RANBP3: variants seen among roughly 807,000 people sequenced by gnomAD.
RANBP3 encodes ran-binding protein 3.
A neutral mutation model predicts 77.3 loss-of-function variants in RANBP3; 14 were observed. The observed-to-expected ratio is 0.18, with a 90% confidence interval of 0.12 to 0.28. The LOEUF is 0.28. RANBP3 is among the 10% of genes least tolerant of loss of function. The pLI is 1.00. For synonymous variants in RANBP3, 315 were observed against 312.4 expected (o/e 1.01, Z -0.09); for missense variants, 586 against 752.3 (o/e 0.78, Z 2.59).
chr19:5,934,236 G>A (rs1393837066), intron 5 of RANBP3: 1 of 152,282 alleles, frequency 6.6e-6, no homozygotes, highest in Non-Finnish European at 1.5e-5. Context: ...AGTGGGGATG[G>A]TGGTCTAATC....
chr19:5,964,818 C>G (rs987334795), intron 1 of RANBP3, among the ~76,000 whole-genome samples: 3 of 81,816 alleles, frequency 3.7e-5, no homozygotes, highest in African/African-American at 1.6e-4. Flanking sequence ...ACAGGGCAGC[C>G]TGGGGGAAGA....
At chr19:5,941,430 T>C (rs540495452) in intron 5 of RANBP3, among the ~76,000 whole-genome samples, 191 bp downstream of exon 5, 25 of 152,256 alleles carry the variant, frequency 1.6e-4, no homozygotes, top group African/African-American at 5.8e-4. Flanking sequence ...GTGTCACTGA[T>C]TCGAGACGAG....
chr19:5,937,702 C>T (rs996234694), intron 5 of RANBP3, among the ~76,000 whole-genome samples: 2 of 152,186 alleles, frequency 1.3e-5, no homozygotes, highest in African/African-American at 4.8e-5. Flanking sequence ...GATATGACTG[C>T]CTTTTCATGC....
intron 5 of RANBP3, among the ~76,000 whole-genome samples, chr19:5,940,464 T>C (rs946415686): frequency 1.3e-5 from 2 of 152,168 alleles, no homozygotes; most frequent in African/African-American, 2.4e-5. Context: ...AGTCAGCAGA[T>C]GACAGTGTAA....
chr19:5,924,066 C>T lies in RANBP3; in HGVS notation c.997-152G>A. On this transcript the variant is annotated intron_variant, in intron 11 of 16. Coordinates refer to ENST00000340578, the MANE Select transcript of RANBP3 (RefSeq NM_007322.3). This position sits in a 1 kb window ranked among gnomAD's most constrained non-coding sequence, Gnocchi z 4.7. ...CACCCTGAACTGCCTGGGAGCTCCC[C>T]ACGTGGTCCCTCAGGCATCACTACG... 2 of 631,598 alleles carry T rather than the reference C, an allele frequency of 3.2e-6. No individual in the cohort carries two copies. Among genetic ancestry groups the T allele is most frequent in the Non-Finnish European group, 2.8e-6 (1 of 358,728 alleles). The allele number at this position is 631,598 out of a possible 1,614,324, so 39.1% of individuals were successfully genotyped here. A position where few individuals can be genotyped will look rare whatever the true frequency, so the allele number is the denominator to read the frequency against.
Position 5,958,076 on chromosome 19 carries a change from T to C in RANBP3, c.23-103A>G. On this transcript the variant is annotated intron_variant, in intron 1 of 16. Coordinates refer to ENST00000340578, the MANE Select transcript of RANBP3 (RefSeq NM_007322.3). This position sits in a 1 kb window ranked among gnomAD's most constrained non-coding sequence, Gnocchi z 4.4. ...TGTTAAACATATATATAAATGAAAC[T>C]AGTAACTCCAGAGAACATCAAATCA... 1 of 1,030,484 alleles carries C rather than the reference T, an allele frequency of 9.7e-7. No homozygotes were observed. The highest frequency in any genetic ancestry group is 2.0e-5 in the Admixed American group (1 of 49,302). 63.8% of individuals were successfully genotyped at this position (1,030,484 alleles called of 1,614,324 possible). A position where few individuals can be genotyped will look rare whatever the true frequency, so the allele number is the denominator to read the frequency against.
intron 1 of RANBP3, among the ~76,000 whole-genome samples, chr19:5,977,595 G>A (rs966386804): frequency 2.6e-5 from 4 of 152,040 alleles, no homozygotes; most frequent in African/African-American, 9.7e-5. Context: ...CGCGGAGGAC[G>A]AGGGCCTCAC....
intron 3 of RANBP3, among the ~76,000 whole-genome samples, chr19:5,945,225 G>C (rs369525461): frequency 3.9e-5 from 6 of 152,348 alleles, no homozygotes; most frequent in East Asian, 1.9e-4. Flanking sequence ...GAAGACCTGA[G>C]TCCGGCCTTA....
chr19:5,964,855 G>C (rs2058446019), intron 1 of RANBP3, among the ~76,000 whole-genome samples: 1 of 128,904 alleles, frequency 7.8e-6, no homozygotes, highest in African/African-American at 2.7e-5. Flanking sequence ...GGTAGGGTGG[G>C]GGGGGGGGTG....
At chr19:5,944,830 T>C (rs2058183330) in intron 3 of RANBP3, among the ~76,000 whole-genome samples, 1 of 152,212 alleles carries the variant, frequency 6.6e-6, no homozygotes, top group Admixed American at 6.5e-5. Flanking sequence ...CCTGTGGCTC[T>C]AGACTTTTCT....
chr19:5,928,064 C>T lies in RANBP3; in HGVS notation c.717G>A (p.Glu239=), dbSNP rs2057936954. Residue 239 remains glutamate (E), a synonymous_variant, in exon 9 of 17, where the codon GAG becomes GAA. Transcript: ENST00000340578. ...ALEEKEPQKN[E]SSNASEEEAC... ...CTTCCTCTTCAGAGGCATTGCTGGA[C>T]TCATTTTTCTGGGGCTCTTTCTCCT... is the stretch of plus-strand genomic sequence containing the variant. The T allele has an allele frequency of 1.2e-6, 2 of 1,612,220 alleles. No individual in the cohort carries two copies. The highest frequency in any genetic ancestry group is 2.7e-5 in the African/African-American group (2 of 74,698).
intron 3 of RANBP3, among the ~76,000 whole-genome samples, chr19:5,948,123 G>C (rs1167093691): frequency 6.6e-6 from 1 of 152,176 alleles, no homozygotes; most frequent in Non-Finnish European, 1.5e-5. Context: ...TGGTCCCCTA[G>C]GAAAGGCCAG....
chr19:5,954,333 T>C (rs781125535), intron 2 of RANBP3, among the ~76,000 whole-genome samples: 2 of 152,138 alleles, frequency 1.3e-5, no homozygotes, highest in Non-Finnish European at 2.9e-5. Context: ...ATAAGTGACA[T>C]CTGAGGGGCA....
At chr19:5,938,302 A>G (rs2058091769) in intron 5 of RANBP3, among the ~76,000 whole-genome samples, 2 of 152,228 alleles carry the variant, frequency 1.3e-5, no homozygotes, top group Non-Finnish European at 2.9e-5. Context: ...ACGTGGGAGA[A>G]ACTTTCAGGA....
In RANBP3 at chr19:5,917,298, A is replaced by G; in HGVS notation, c.*312T>C. The G allele has an allele frequency of 4.7e-6, 2 of 429,630 alleles. No homozygotes were observed. The highest frequency in any genetic ancestry group is 8.4e-6 in the Non-Finnish European group (2 of 237,962). 26.6% of individuals were successfully genotyped at this position (429,630 alleles called of 1,614,324 possible). A position where few individuals can be genotyped will look rare whatever the true frequency, so the allele number is the denominator to read the frequency against. On this transcript the variant is annotated 3_prime_UTR_variant, in exon 17 of 17. Transcript: ENST00000340578. The stretch of plus-strand genomic sequence containing the variant: ...CAGAGGCTGGCGACACGCGGGGTGA[A>G]GGAACGAGGTCTCCAGTCCCAGTGA...
chr19:5,972,044 T>C (rs2058536611), intron 1 of RANBP3, among the ~76,000 whole-genome samples: 1 of 152,268 alleles, frequency 6.6e-6, no homozygotes, highest in African/African-American at 2.4e-5. Flanking sequence ...CTCAGAATTT[T>C]AAGTGTTGGC....
intron 3 of RANBP3, among the ~76,000 whole-genome samples, chr19:5,949,155 A>G (rs1337654471): frequency 6.6e-6 from 1 of 152,190 alleles, no homozygotes; most frequent in African/African-American, 2.4e-5. Flanking sequence ...GACGGATGAG[A>G]CCTGCCGGGT....
intron 3 of RANBP3, among the ~76,000 whole-genome samples, chr19:5,947,365 A>G (rs1296929810): frequency 6.6e-6 from 1 of 152,002 alleles, no homozygotes; most frequent in Non-Finnish European, 1.5e-5. Context: ...AAACAAAAAC[A>G]AAAAGAGCAA....
intron 9 of RANBP3, 115 bp downstream of exon 9, chr19:5,927,853 A>T: frequency 7.3e-7 from 1 of 1,378,826 alleles, no homozygotes; most frequent in East Asian, 2.4e-5. Context: ...CCTCGCTAAC[A>T]CCTTCTTTGT....
Sources: allele counts gnomAD v4.1 joint callset (sites outside exome capture counted in the v4.1 genomes callset), GRCh38; gene constraint gnomAD v4.1.1; non-coding constraint Gnocchi (gnomAD v3.1); transcripts MANE v1.5; gene names NCBI Gene and HGNC (gene_info 2026-07-23, HGNC 2026-07-21).